Variants in TOP3B observed in about 807,000 individuals in gnomAD.
TOP3B encodes DNA topoisomerase 3-beta-1.
TOP3B carries 45 observed loss-of-function variants against 93.9 expected under a neutral mutation model. The ratio of observed to expected loss-of-function variants is 0.48; its 90% CI spans 0.38 to 0.61. TOP3B has a LOEUF of 0.61. Among genes scored for constraint, TOP3B ranks in the 20% least tolerant of loss-of-function variants. The probability of loss-of-function intolerance (pLI) is 0.00; values close to 1 mark genes in which losing one functional copy is unlikely to be tolerated. For synonymous variants in TOP3B, 357 were observed against 472.6 expected (o/e 0.76, Z 3.17); for missense variants, 750 against 1,156.1 (o/e 0.65, Z 5.09).
rs765074476 is a variant in TOP3B at position 21,963,998 on chromosome 22, G to A, written c.1129C>T (p.Arg377Cys). 21 of 1,611,164 alleles carry A rather than the reference G, an allele frequency of 1.3e-5. No individual in the cohort carries two copies. The highest frequency in any genetic ancestry group is 4.5e-5 in the East Asian group (2 of 44,880). The stretch of plus-strand genomic sequence containing the variant: ...CCGGCGTCATGGCCTTTCCGCGGGC[G>A]GTTGATACCTTCTGCTAACAACCGC... Reference protein sequence around the residue: ...VKRLLAEGINRPRKGHDAGDH... With the variant: ...VKRLLAEGINCPRKGHDAGDH... The change falls in exon 11 of 18, where the codon CGC (arginine) becomes TGC (cysteine). Residue 377 changes from arginine to cysteine, a missense_variant. Arg to Cys is a radical substitution (Grantham distance 180). This residue lies in a region of TOP3B where 737 missense variants were observed against 933.7 expected (regional missense o/e 0.79). Coordinates refer to ENST00000357179, the MANE Select transcript of TOP3B (RefSeq NM_001282112.2). This position sits in a 1 kb window ranked among gnomAD's most constrained non-coding sequence, Gnocchi z 4.8.
intron 2 of TOP3B, chr22:21,974,895 T>A (rs2071798932): frequency 6.1e-6 from 1 of 163,088 alleles, no homozygotes; most frequent in Non-Finnish European, 1.3e-5. Flanking sequence ...ATTCTCACCC[T>A]CTCCACTGAC....
At chr22:21,959,829 C>T (rs1235940191) in intron 14 of TOP3B, 93 bp from the exon 15 acceptor site, 3 of 1,526,458 alleles carry the variant, frequency 2.0e-6, no homozygotes, top group Admixed American at 1.9e-5. Context: ...CTGTTCACCC[C>T]TCCCGCTCTG....
intron 8 of TOP3B, chr22:21,965,864 AAAAC>A (rs543117400): frequency 3.3e-4 from 52 of 155,610 alleles, no homozygotes; most frequent in East Asian, 1.7e-3. Context: ...ACTCCATCTC[AAAAC>A]AAACAAACAA....
chr22:21,968,710 G>T lies in TOP3B; in HGVS notation c.647C>A (p.Pro216Gln), dbSNP rs374293467. 1.2e-6 allele frequency: 2 copies of T among 1,614,160 alleles called. No individual in the cohort carries two copies. Among genetic ancestry groups the T allele is most frequent in the Non-Finnish European group, 1.7e-6 (2 of 1,180,028 alleles). ...DLDSSLISFG[P>Q]CQTPTLGFCV... is the part of the protein sequence containing the mutation. Reference sequence around the variant, plus strand: ...GAATCCCAGGGTTGGAGTCTGACACGGCCCAAAGGAGATGAGAGAGCTGTC... The same window carrying T: ...GAATCCCAGGGTTGGAGTCTGACACTGCCCAAAGGAGATGAGAGAGCTGTC... The change falls in exon 7 of 18, where the codon CCG (proline) becomes CAG (glutamine). Residue 216 changes from proline (P) to glutamine (Q), a missense_variant. Pro to Gln is a moderately conservative substitution (Grantham distance 76). This residue lies in a region of TOP3B where 737 missense variants were observed against 933.7 expected (regional missense o/e 0.79). Transcript: ENST00000357179.
At chr22:21,979,250 A>G (rs1174858648) in intron 1 of TOP3B, among the ~76,000 whole-genome samples, 2 of 152,078 alleles carry the variant, frequency 1.3e-5, no homozygotes, top group East Asian at 3.9e-4. Context: ...GAGGGTCCAC[A>G]GAGGGTGTGC....
intron 1 of TOP3B, among the ~76,000 whole-genome samples, chr22:21,979,889 C>G (rs9610794): frequency 7.0e-6 from 1 of 142,142 alleles, no homozygotes; most frequent in African/African-American, 2.7e-5. Context: ...TGCAGTGAGC[C>G]GAGATTGCGC....
intron 9 of TOP3B, chr22:21,964,633 A>AGCAC: frequency 2.4e-6 from 1 of 410,570 alleles, no homozygotes; most frequent in South Asian, 3.0e-5. Flanking sequence ...TGGCCTTCAG[A>AGCAC]GCACCACTCC....
In TOP3B at chr22:21,970,353, G is replaced by C. The variant is rs759408125; in HGVS notation, c.438C>G (p.Thr146=). 6.2e-7 allele frequency: 1 copy of C among 1,613,874 alleles called. No individual in the cohort carries two copies. Among genetic ancestry groups the C allele is most frequent in the East Asian group, 2.2e-5 (1 of 44,886 alleles). The change falls in exon 6 of 18, where the codon ACC becomes ACG. Residue 146 remains threonine, a synonymous_variant. Transcript: ENST00000357179. This position sits in a 1 kb window ranked among gnomAD's most constrained non-coding sequence, Gnocchi z 4.4. ...TGGAGCTAAACCTGGCCCGGAACAC[G>C]GTCTTCTCGCCACCATGGGCCTTGT... ...VMNKAHGGEK[T]VFRARFSSIT...
chr22:21,979,771 CTCTACTAAAAA>C (rs377012013), intron 1 of TOP3B, among the ~76,000 whole-genome samples: 61 of 151,694 alleles, frequency 4.0e-4, no homozygotes, highest in African/African-American at 1.3e-3. Flanking sequence ...GAAACCCCGT[CTCTACTAAAAA>C]TACTAAAAAT....
At chr22:21,972,225 G>T in intron 4 of TOP3B, 1 of 491,148 alleles carries the variant, frequency 2.0e-6, no homozygotes, top group East Asian at 3.4e-5. Flanking sequence ...GGGTTAAAAT[G>T]AAATAACCCT....
At chr22:21,977,515 T>C (rs915898) in intron 1 of TOP3B, 136,263 of 142,032 alleles carry the variant, frequency 0.96, 65,422 homozygotes, top group East Asian at 1. Context: ...TACAACAGAG[T>C]GAGACTCCAT....
chr22:21,976,784 A>G (rs1314556206), intron 1 of TOP3B: 1 of 152,040 alleles, frequency 6.6e-6, no homozygotes, highest in Non-Finnish European at 1.5e-5. Context: ...AACCACATGA[A>G]CCCTTTTTGT....
In TOP3B at chr22:21,970,055, C is replaced by T; in HGVS notation, c.581+155G>A. The T allele has an allele frequency of 1.3e-6, 1 of 755,842 alleles. No individual in the cohort carries two copies. Among genetic ancestry groups the T allele is most frequent in the South Asian group, 1.8e-5 (1 of 55,552 alleles). The allele number at this position is 755,842 out of a possible 1,614,324, so 46.8% of individuals were successfully genotyped here. A position where few individuals can be genotyped will look rare whatever the true frequency, so the allele number is the denominator to read the frequency against. ...AAAGTGCAGGGATTACAGGTGTTAG[C>T]CACTGTGCCTGGCCTTCTTCAGGGT... On this transcript the variant is annotated intron_variant, in intron 6 of 17. Transcript: ENST00000357179. This position sits in a 1 kb window ranked among gnomAD's most constrained non-coding sequence, Gnocchi z 4.4.
At position 21,972,733 on chromosome 22, in the gene TOP3B, C is replaced by T. The variant is rs1468526233; in HGVS notation, c.203-15G>A. ...GTTGTATTTTCCTACAAACCAGTCA[C>T]AGTGACATTGAGTCACAGGAGCTCA... On this transcript the variant is annotated splice_polypyrimidine_tract_variant and intron_variant, in intron 3 of 17. Transcript: ENST00000357179. The T allele has an allele frequency of 1.2e-6, 2 of 1,606,308 alleles. No individual in the cohort carries two copies. Among genetic ancestry groups the T allele is most frequent in the African/African-American group, 1.3e-5 (1 of 74,894 alleles).
intron 13 of TOP3B, chr22:21,960,783 C>T: frequency 3.4e-6 from 1 of 290,798 alleles, no homozygotes; most frequent in Non-Finnish European, 6.7e-6. Context: ...ATGGCTTCTC[C>T]TGCCTGGGTC....
chr22:21,981,361 C>T (rs2084627878), intron 1 of TOP3B, among the ~76,000 whole-genome samples: 1 of 152,306 alleles, frequency 6.6e-6, no homozygotes, highest in African/African-American at 2.4e-5. Flanking sequence ...TGATCCTGTC[C>T]TGCCTCTGTG....
At position 21,970,916 on chromosome 22, in the gene TOP3B, T is replaced by A; in HGVS notation, c.385-510A>T. ...GCAAGAGCAGGAAGGCCACGGGTGG[T>A]CCTAGCTTGTGGTGGGGGCAGCTCG... On this transcript the variant is annotated intron_variant, in intron 5 of 17. Transcript: ENST00000357179. The surrounding 1 kb of genome is among the most constrained non-coding windows in gnomAD (Gnocchi z 4.4). 1.0e-6 allele frequency: 1 copy of A among 954,200 alleles called. No individual in the cohort carries two copies. Among genetic ancestry groups the A allele is most frequent in the Non-Finnish European group, 1.3e-6 (1 of 753,134 alleles). The allele number at this position is 954,200 out of a possible 1,614,324, so 59.1% of individuals were successfully genotyped here. A position where few individuals can be genotyped will look rare whatever the true frequency, so the allele number is the denominator to read the frequency against.
At chr22:21,972,461 T>A in intron 4 of TOP3B, 151 bp downstream of exon 4, 1 of 603,376 alleles carries the variant, frequency 1.7e-6, no homozygotes, top group Non-Finnish European at 2.9e-6. Flanking sequence ...TGCAGGTGCC[T>A]CGTGGGCCAG....
Position 21,970,023 on chromosome 22 carries a change from G to C in TOP3B, c.581+187C>G, listed in dbSNP as rs1446523679. 1 of 602,510 alleles carries C rather than the reference G, an allele frequency of 1.7e-6. No homozygotes were observed. Among genetic ancestry groups the C allele is most frequent in the Non-Finnish European group, 2.9e-6 (1 of 350,806 alleles). The allele number at this position is 602,510 out of a possible 1,614,324, so 37.3% of individuals were successfully genotyped here. ...AACCTCAAGCAATCCTCCTATCCTG[G>C]TCTCCCAAAGTGCAGGGATTACAGG... On this transcript the variant is annotated intron_variant, in intron 6 of 17. Transcript: ENST00000357179. The surrounding 1 kb of genome is among the most constrained non-coding windows in gnomAD (Gnocchi z 4.4).
Sources: gnomAD v4.1 joint callset for allele counts (sites outside exome capture counted in the v4.1 genomes callset) on GRCh38, gnomAD v4.1.1 for gene constraint, gnomAD v4.1.1 regional missense constraint, Gnocchi (gnomAD v3.1) non-coding constraint, MANE v1.5 for transcripts, NCBI Gene and HGNC (gene_info 2026-07-23, HGNC 2026-07-21) for gene names.